Variants in SPEN observed in about 807,000 individuals in gnomAD.
SPEN encodes spen family transcriptional repressor, also known as msx2-interacting protein.
A neutral mutation model predicts 269.9 loss-of-function variants in SPEN; 18 were observed. That is an observed-to-expected ratio of 0.07 (90% CI 0.05 to 0.10). The LOEUF (loss-of-function observed/expected upper bound fraction) is 0.10. Among genes scored for constraint, SPEN ranks in the 10% least tolerant of loss-of-function variants. The pLI is 1.00. For missense variants in SPEN, 3,822 were observed against 4,631.2 expected (o/e 0.83, Z 5.07); for synonymous variants, 1,726 against 1,765.7 (o/e 0.98, Z 0.56).
intron 2 of SPEN, 92 bp from the exon 3 acceptor site, chr1:15,876,110 C>T: frequency 1.0e-6 from 1 of 984,594 alleles, no homozygotes; most frequent in Non-Finnish European, 1.6e-6. Flanking sequence ...GTTGCAAAGA[C>T]AAAGACAATG....
In SPEN at chr1:15,930,835, A is replaced by G; in HGVS notation, c.4595A>G (p.His1532Arg). 6.2e-7 allele frequency: 1 copy of G among 1,614,182 alleles called. No individual in the cohort carries two copies. Among genetic ancestry groups the G allele is most frequent in the Non-Finnish European group, 8.5e-7 (1 of 1,180,044 alleles). The change falls in exon 11 of 15, where the codon CAC (histidine) becomes CGC (arginine). Residue 1532 changes from histidine to arginine, a missense_variant. Coordinates refer to ENST00000375759, the MANE Select transcript of SPEN (RefSeq NM_015001.3). This position sits in a 1 kb window ranked among gnomAD's most constrained non-coding sequence, Gnocchi z 5.3. ...RQELFASRFLHSSIFEQDSKR... is the reference protein window; with the variant it reads ...RQELFASRFLRSSIFEQDSKR... ...GAATTGTTTGCTTCTCGTTTTTTAC[A>G]CAGCTCAATCTTTGAACAAGATTCC...
intron 3 of SPEN, among the ~76,000 whole-genome samples, chr1:15,897,369 T>C (rs893697192): frequency 6.6e-6 from 1 of 151,458 alleles, no homozygotes; most frequent in African/African-American, 2.4e-5. Context: ...TTCTTTCTTT[T>C]TTTTTTTTTT....
intron 14 of SPEN, 79 bp downstream of exon 14, chr1:15,938,955 TGCCC>T: frequency 6.6e-7 from 1 of 1,524,874 alleles, no homozygotes; most frequent in Non-Finnish European, 8.9e-7. Context: ...ACTCATCTGG[TGCCC>T]ACTAGATCTG....
At chr1:15,893,165 T>C (rs2070806192) in intron 3 of SPEN, among the ~76,000 whole-genome samples, 1 of 152,206 alleles carries the variant, frequency 6.6e-6, no homozygotes, top group African/African-American at 2.4e-5. Context: ...GCTAGTACTT[T>C]TGATAGAGGT....
intron 10 of SPEN, among the ~76,000 whole-genome samples, chr1:15,927,715 C>T (rs1265925565): frequency 6.6e-6 from 1 of 152,120 alleles, no homozygotes; most frequent in East Asian, 1.9e-4. Context: ...CCAATAGAAG[C>T]ATAATGTAAG....
chr1:15,897,200 G>T (rs559197), intron 3 of SPEN, among the ~76,000 whole-genome samples: 90,628 of 151,516 alleles, frequency 0.6, 27,462 homozygotes, highest in Admixed American at 0.67. Context: ...TAAAAACTTT[G>T]TTTTTTGGAG....
At chr1:15,938,174 G>A (rs1368576026) in intron 13 of SPEN, among the ~76,000 whole-genome samples, 168 bp downstream of exon 13, 1 of 152,340 alleles carries the variant, frequency 6.6e-6, no homozygotes, top group Non-Finnish European at 1.5e-5. Flanking sequence ...TGCGATCTCT[G>A]TTCATTATAG....
Position 15,935,143 on chromosome 1 carries a change from T to C in SPEN, c.8903T>C (p.Ile2968Thr), listed in dbSNP as rs1339147328. Residue 2968 changes from isoleucine (I) to threonine (T), a missense_variant, in exon 11 of 15, where the codon ATC becomes ACC. This residue lies in a region of SPEN where 20 missense variants were observed against 60.7 expected (regional missense o/e 0.33). Transcript: ENST00000375759. This position sits in a 1 kb window ranked among gnomAD's most constrained non-coding sequence, Gnocchi z 7.7. Reference protein sequence around the residue: ...KKLADPVTLKIETKVLQPANL... With the variant: ...KKLADPVTLKTETKVLQPANL... ...CTTGCTGACCCCGTCACCCTTAAAA[T>C]CGAGACCAAGGTCCTTCAGCCGGCC... 6.2e-7 allele frequency: 1 copy of C among 1,613,756 alleles called. No homozygotes were observed. Among genetic ancestry groups the C allele is most frequent in the Non-Finnish European group, 8.5e-7 (1 of 1,179,932 alleles).
At position 15,906,184 on chromosome 1, in the gene SPEN, C is replaced by T. The variant is rs151338420; in HGVS notation, c.882-3137C>T. On this transcript the variant is annotated intron_variant, in intron 3 of 14. Transcript: ENST00000375759. The stretch of plus-strand genomic sequence containing the variant: ...GATTGATTTCATTAAACCCTAATGT[C>T]AATGACAATATCGTATTCAGGATAG... Among the ~76,000 whole-genome samples the T allele has an allele frequency of 3.3e-5, 5 of 152,270 alleles. No individual in the cohort carries two copies. In the East Asian group the frequency reaches 5.8e-4, roughly 18 times the overall value.
chr1:15,885,953 G>A (rs1330528213), intron 3 of SPEN, among the ~76,000 whole-genome samples: 1 of 152,062 alleles, frequency 6.6e-6, no homozygotes, highest in Admixed American at 6.6e-5. Context: ...TGTTTTAGGG[G>A]GTCATATTAG....
chr1:15,914,959 G>A (rs577111445), intron 5 of SPEN, among the ~76,000 whole-genome samples: 5 of 152,154 alleles, frequency 3.3e-5, no homozygotes, highest in South Asian at 2.1e-4. Context: ...TAAAATTTCC[G>A]TATTTAGACA....
chr1:15,871,670 CA>C (rs139850794), intron 1 of SPEN, among the ~76,000 whole-genome samples: 67 of 151,870 alleles, frequency 4.4e-4, no homozygotes, highest in Middle Eastern at 6.8e-3. Context: ...AATTAAGTAG[CA>C]AAAAAATTAC....
At chr1:15,861,843 C>CA (rs1368886931) in intron 1 of SPEN, among the ~76,000 whole-genome samples, 2 of 152,068 alleles carry the variant, frequency 1.3e-5, no homozygotes, top group Non-Finnish European at 1.5e-5. Flanking sequence ...AGTTTGAGAC[C>CA]AGCCTGGTCA....
chr1:15,917,352 T>C (rs564117172), intron 6 of SPEN, among the ~76,000 whole-genome samples: 5 of 152,320 alleles, frequency 3.3e-5, no homozygotes, highest in African/African-American at 1.2e-4. Context: ...AGTTTAAAAA[T>C]GAAAATATTT....
intron 3 of SPEN, among the ~76,000 whole-genome samples, chr1:15,897,393 G>A (rs1292070734): frequency 2.0e-5 from 3 of 147,852 alleles, no homozygotes; most frequent in African/African-American, 2.5e-5. Context: ...ACGGAGTTTC[G>A]CTCTTGTTGC....
chr1:15,890,929 G>A (rs1231427440), intron 3 of SPEN, among the ~76,000 whole-genome samples: 1 of 152,140 alleles, frequency 6.6e-6, no homozygotes, highest in Non-Finnish European at 1.5e-5. Context: ...CCGTGTTATA[G>A]CATTGATCAG....
In SPEN at chr1:15,922,379, T is replaced by C. The variant is rs746065350; in HGVS notation, c.1850+30T>C. On this transcript the variant is annotated intron_variant, in intron 10 of 14. Coordinates refer to ENST00000375759, the MANE Select transcript of SPEN (RefSeq NM_015001.3). ...GTATTTTAAACTTACCAGTGTAGCT[T>C]GAGTTTTAATAGTTTTAATACAGAA... 10 of 1,475,444 alleles carry C rather than the reference T, an allele frequency of 6.8e-6. No homozygotes were observed. The South Asian group carries it at 1.1e-4, about 16-fold the overall frequency. The allele number at this position is 1,475,444 out of a possible 1,614,324, so 91.4% of individuals were successfully genotyped here. A position where few individuals can be genotyped will look rare whatever the true frequency, so the allele number is the denominator to read the frequency against.
intron 1 of SPEN, among the ~76,000 whole-genome samples, chr1:15,866,797 C>T (rs536826815): frequency 9.4e-4 from 143 of 152,222 alleles, no homozygotes; most frequent in African/African-American, 3.1e-3. Flanking sequence ...TCATATATAA[C>T]GTTCCTAGTT....
Position 15,940,156 on chromosome 1 carries a change from T to TA in SPEN, c.*730dup, listed in dbSNP as rs2071329043. 4.4e-5 allele frequency: 10 copies of TA among 226,658 alleles called. No homozygotes were observed. The East Asian group carries it at 6.3e-4, about 14-fold the overall frequency. The allele number at this position is 226,658 out of a possible 1,614,324, so 14.0% of individuals were successfully genotyped here. On this transcript the variant is annotated 3_prime_UTR_variant, in exon 15 of 15. Coordinates refer to ENST00000375759, the MANE Select transcript of SPEN (RefSeq NM_015001.3). Reference sequence around the variant, plus strand: ...ACTTAAAAAATCAAATCCCCCGACATACGTTTTTTTTAATCTGTGCCAAAA... The same window carrying TA: ...ACTTAAAAAATCAAATCCCCCGACATAACGTTTTTTTTAATCTGTGCCAAAA...
Sources: allele counts gnomAD v4.1 joint callset (sites outside exome capture counted in the v4.1 genomes callset), GRCh38; gene constraint gnomAD v4.1.1; regional missense constraint gnomAD v4.1.1; non-coding constraint Gnocchi (gnomAD v3.1); transcripts MANE v1.5; gene names NCBI Gene and HGNC (gene_info 2026-07-23, HGNC 2026-07-21).